Variants in TMEM131L observed in about 807,000 individuals in gnomAD.
The protein encoded by TMEM131L is transmembrane protein 131-like.
A neutral mutation model predicts 192.2 loss-of-function variants in TMEM131L; 54 were observed. The ratio of observed to expected loss-of-function variants is 0.28; its 90% CI spans 0.23 to 0.35. TMEM131L has a LOEUF of 0.35. TMEM131L is among the 10% of genes least tolerant of loss of function. The pLI is 1.00. For synonymous variants in TMEM131L, 701 were observed against 704.9 expected, an observed-to-expected ratio of 0.99 and a Z score of 0.09; for missense variants, 1,888 against 1,972.9, an observed-to-expected ratio of 0.96 and a Z score of 0.82.
intron 31 of TMEM131L, among the ~76,000 whole-genome samples, chr4:153,630,346 C>T (rs1734127843): frequency 6.6e-6 from 1 of 152,194 alleles, no homozygotes; most frequent in Non-Finnish European, 1.5e-5. Flanking sequence ...CAGCCATGCC[C>T]TAGAGTCTCA....
chr4:153,508,553 C>T (rs997317880), intron 3 of TMEM131L, among the ~76,000 whole-genome samples: 1 of 152,158 alleles, frequency 6.6e-6, no homozygotes, highest in Non-Finnish European at 1.5e-5. Flanking sequence ...CTCATTTAAC[C>T]CTTTATTCTC....
intron 6 of TMEM131L, among the ~76,000 whole-genome samples, chr4:153,557,556 A>G (rs1728557886): frequency 6.6e-6 from 1 of 152,202 alleles, no homozygotes; most frequent in African/African-American, 2.4e-5. Context: ...GGTACCAGGA[A>G]GGGAGCTTGA....
intron 7 of TMEM131L, among the ~76,000 whole-genome samples, chr4:153,571,595 C>T (rs185964691): frequency 1.4e-4 from 21 of 152,290 alleles, no homozygotes; most frequent in Non-Finnish European, 2.4e-4. Context: ...GGGTCTTGCT[C>T]TGTTGCCCAA....
At position 153,579,822 on chromosome 4, in the gene TMEM131L, A is replaced by G. The variant is rs150128207; in HGVS notation, c.661-1004A>G. On this transcript the variant is annotated intron_variant, in intron 7 of 34. Transcript: ENST00000409959. ...TAATTGCCTGAATGACAATTGAAGT[A>G]GTTTAAAATGTATTCTTTTATAATG... Among the ~76,000 whole-genome samples the G allele has an allele frequency of 1.4e-4, 21 of 152,232 alleles. No individual in the cohort carries two copies. The East Asian group carries it at 4.1e-3, about 30-fold the overall frequency.
At chr4:153,560,127 C>G (rs889881213) in intron 7 of TMEM131L, among the ~76,000 whole-genome samples, 10 of 152,204 alleles carry the variant, frequency 6.6e-5, no homozygotes, top group Non-Finnish European at 1.5e-4. Context: ...CCATATTTAT[C>G]TAGACTTCCG....
intron 4 of TMEM131L, 132 bp downstream of exon 4, chr4:153,550,273 T>C (rs1737507526): frequency 8.6e-6 from 4 of 463,702 alleles, no homozygotes; most frequent in African/African-American, 8.2e-5. Context: ...TCCTGGGACT[T>C]AAGAGAAATA....
chr4:153,630,802 A>G (rs375967922), intron 31 of TMEM131L, among the ~76,000 whole-genome samples: 4 of 152,322 alleles, frequency 2.6e-5, no homozygotes, highest in South Asian at 4.1e-4. Context: ...GGCAACAACA[A>G]TGGCAGCCTG....
chr4:153,498,596 C>T (rs1200205210), intron 3 of TMEM131L, among the ~76,000 whole-genome samples: 1 of 152,138 alleles, frequency 6.6e-6, no homozygotes, highest in Non-Finnish European at 1.5e-5. Context: ...TTCTTTCAAG[C>T]TCTCTCTTCA....
At chr4:153,584,503 C>G (rs1028876683) in intron 11 of TMEM131L, among the ~76,000 whole-genome samples, 1 of 152,212 alleles carries the variant, frequency 6.6e-6, no homozygotes, top group African/African-American at 2.4e-5. Context: ...ATGCAGCCCA[C>G]TTTTTGCTGG....
At chr4:153,472,539 A>G (rs2149729450) in intron 2 of TMEM131L, among the ~76,000 whole-genome samples, 1 of 152,242 alleles carries the variant, frequency 6.6e-6, no homozygotes, top group South Asian at 2.1e-4. Flanking sequence ...ACAGTAGACA[A>G]AAAAAAACAA....
Position 153,612,266 on chromosome 4 carries a change from G to A in TMEM131L, c.3433G>A (p.Val1145Ile). The A allele has an allele frequency of 6.4e-7, 1 of 1,562,030 alleles. No individual in the cohort carries two copies. Among genetic ancestry groups the A allele is most frequent in the South Asian group, 1.3e-5 (1 of 78,024 alleles). ...SRKNNGNNQQ[V>I]PVKNEVDHCE... ...GTTTATTAAAGGGAATAACCAGCAA[G>A]TACCTGTCAAGAATGAAGTAGATCA... Residue 1145 changes from valine (V) to isoleucine (I), a missense_variant, in exon 26 of 35, where the codon GTA becomes ATA. Physicochemically the swap from Val to Ile is conservative, Grantham distance 29. Coordinates refer to ENST00000409959, the MANE Select transcript of TMEM131L (RefSeq NM_001131007.2).
intron 2 of TMEM131L, among the ~76,000 whole-genome samples, chr4:153,471,885 C>A (rs181068639): frequency 1.6e-4 from 25 of 152,240 alleles, no homozygotes; most frequent in African/African-American, 5.3e-4. Context: ...GTTTATTTTC[C>A]CGCATCTTAA....
chr4:153,523,696 G>A (rs1287662478), intron 3 of TMEM131L, among the ~76,000 whole-genome samples: 4 of 152,164 alleles, frequency 2.6e-5, no homozygotes, highest in African/African-American at 9.7e-5. Flanking sequence ...AATTTTCATG[G>A]ATCGTTATCA....
rs1216119441 is a variant in TMEM131L at position 153,582,420 on chromosome 4, G to GTTTTTTTTTTTT, written c.893-761_893-760insTTTTTTTTTTTT. Among the ~76,000 whole-genome samples the GTTTTTTTTTTTT allele has an allele frequency of 9.8e-5, 8 of 81,844 alleles. 1 individual carries two copies. Among genetic ancestry groups the GTTTTTTTTTTTT allele is most frequent in the African/African-American group, 2.7e-4 (5 of 18,240 alleles). The allele number at this position is 81,844 out of a possible 152,430, so 53.7% of individuals were successfully genotyped here. On this transcript the variant is annotated intron_variant, in intron 9 of 34. Coordinates refer to ENST00000409959, the MANE Select transcript of TMEM131L (RefSeq NM_001131007.2). ...CCACTATGCCTGGCTAATTTAAACC[G>GTTTTTTTTTTTT]TTTTTTTTTGTTGTTTTTTTTTTTT... is the stretch of plus-strand genomic sequence containing the variant.
intron 4 of TMEM131L, chr4:153,554,195 G>A (rs923044984): frequency 1.3e-5 from 2 of 152,162 alleles, no homozygotes; most frequent in Non-Finnish European, 2.9e-5. Context: ...AATTTTAATT[G>A]TGGGAAGAAA....
intron 34 of TMEM131L, 27 bp downstream of exon 34, chr4:153,635,598 A>G: frequency 6.2e-7 from 1 of 1,613,288 alleles, no homozygotes; most frequent in Non-Finnish European, 8.5e-7. Flanking sequence ...CTGTGCCGTG[A>G]ACCCCTGGGC....
At chr4:153,599,018 G>T (rs1015598409) in intron 21 of TMEM131L, among the ~76,000 whole-genome samples, 1 of 151,784 alleles carries the variant, frequency 6.6e-6, no homozygotes, top group South Asian at 2.1e-4. Flanking sequence ...TCATATTGCT[G>T]TAAAGAAATT....
chr4:153,554,922 A>T (rs1422513300), intron 4 of TMEM131L, among the ~76,000 whole-genome samples: 1 of 152,204 alleles, frequency 6.6e-6, no homozygotes, highest in African/African-American at 2.4e-5. Flanking sequence ...CAGAGCCGAG[A>T]CATTGGAGGT....
At position 153,581,532 on chromosome 4, in the gene TMEM131L, C is replaced by T. The variant is rs753975812; in HGVS notation, c.864C>T (p.Tyr288=). The part of the protein sequence containing the change: ...QHLLDHLSIV[Y]VATDESETSD... Reference sequence around the variant, plus strand: ...TGTTAGATCATCTCTCTATTGTTTACGTAGCTACAGATGAATCTGAGACCT... The same window carrying T: ...TGTTAGATCATCTCTCTATTGTTTATGTAGCTACAGATGAATCTGAGACCT... The change falls in exon 9 of 35, where the codon TAC becomes TAT. Residue 288 remains tyrosine, a synonymous_variant. Transcript: ENST00000409959. 8.9e-6 allele frequency: 14 copies of T among 1,580,032 alleles called. No individual in the cohort carries two copies. The highest frequency in any genetic ancestry group is 5.4e-5 in the Admixed American group (3 of 55,556).
Sources: allele counts gnomAD v4.1 joint callset (sites outside exome capture counted in the v4.1 genomes callset), GRCh38; gene constraint gnomAD v4.1.1; transcripts MANE v1.5; gene names NCBI Gene and HGNC (gene_info 2026-07-23, HGNC 2026-07-21).